Variants in UNC5C observed in about 807,000 individuals in gnomAD.
The protein encoded by UNC5C is netrin receptor UNC5C.
UNC5C carries 47 observed loss-of-function variants against 99.8 expected under a neutral mutation model. The observed-to-expected ratio is 0.47, with a 90% confidence interval of 0.37 to 0.60. The LOEUF is 0.60. UNC5C is among the 20% of genes least tolerant of loss of function. The pLI is 0.00. For synonymous variants in UNC5C, 487 were observed against 452.2 expected (o/e 1.08, Z -0.98); for missense variants, 1,062 against 1,165.9 (o/e 0.91, Z 1.30).
At chr4:95,289,348 C>T (rs777071396) in intron 3 of UNC5C, among the ~76,000 whole-genome samples, 1 of 152,176 alleles carries the variant, frequency 6.6e-6, no homozygotes, top group Non-Finnish European at 1.5e-5. Flanking sequence ...CTGGTCTTGA[C>T]AAAAAGGCCC....
chr4:95,494,618 A>T (rs1721582681), intron 1 of UNC5C, among the ~76,000 whole-genome samples: 1 of 151,660 alleles, frequency 6.6e-6, no homozygotes, highest in African/African-American at 2.4e-5. Flanking sequence ...AGTTCACATA[A>T]GAAAAAGCAA....
chr4:95,369,148 T>G (rs1744667989), intron 1 of UNC5C, among the ~76,000 whole-genome samples: 1 of 151,980 alleles, frequency 6.6e-6, no homozygotes, highest in Non-Finnish European at 1.5e-5. Flanking sequence ...CATGAGCCAC[T>G]GCGACCAGCC....
At chr4:95,358,779 C>A (rs958948504) in intron 1 of UNC5C, among the ~76,000 whole-genome samples, 2 of 152,096 alleles carry the variant, frequency 1.3e-5, no homozygotes, top group Non-Finnish European at 2.9e-5. Flanking sequence ...CACTTTAGCC[C>A]AGCCTGCAAT....
At chr4:95,440,174 G>C (rs1746907671) in intron 1 of UNC5C, among the ~76,000 whole-genome samples, 3 of 152,124 alleles carry the variant, frequency 2.0e-5, no homozygotes, top group South Asian at 4.1e-4. Flanking sequence ...CTATTGTTCT[G>C]CACGGATAGG....
chr4:95,271,393 A>AG (rs1740660038), intron 4 of UNC5C, among the ~76,000 whole-genome samples: 2 of 148,090 alleles, frequency 1.4e-5, no homozygotes, highest in African/African-American at 5.3e-5. Flanking sequence ...ACGCCCGGCT[A>AG]ATTTTTTTGT....
At chr4:95,305,367 T>C (rs1025929786) in intron 2 of UNC5C, among the ~76,000 whole-genome samples, 7 of 152,176 alleles carry the variant, frequency 4.6e-5, no homozygotes, top group South Asian at 2.1e-4. Context: ...GACCAGAGCC[T>C]AGTGGTTTGG....
intron 14 of UNC5C, among the ~76,000 whole-genome samples, chr4:95,174,352 C>A (rs1336583458): frequency 2.0e-5 from 3 of 152,052 alleles, no homozygotes; most frequent in Non-Finnish European, 4.4e-5. Flanking sequence ...AATTTTGGAT[C>A]TTTCCTGCTT....
At chr4:95,209,641 AAC>A (rs1738008264) in intron 10 of UNC5C, among the ~76,000 whole-genome samples, 1 of 152,196 alleles carries the variant, frequency 6.6e-6, no homozygotes, top group African/African-American at 2.4e-5. Flanking sequence ...TATTGGGAGC[AAC>A]TTGAGACCTC....
At chr4:95,356,226 A>AAAAAAAAAAAAAAAAT (rs1371053400) in intron 1 of UNC5C, among the ~76,000 whole-genome samples, 1 of 144,714 alleles carries the variant, frequency 6.9e-6, no homozygotes, top group African/African-American at 2.5e-5. Context: ...AACAAAAAAA[A>AAAAAAAAAAAAAAAAT]AACAGATTCC....
intron 1 of UNC5C, among the ~76,000 whole-genome samples, chr4:95,379,719 A>G (rs557507101): frequency 7.2e-5 from 11 of 152,156 alleles, no homozygotes; most frequent in Non-Finnish European, 2.9e-5. Context: ...TTAGTTTCAC[A>G]TGACTTAGTT....
At position 95,250,573 on chromosome 4, in the gene UNC5C, C is replaced by A; in HGVS notation, c.689G>T (p.Arg230Leu). The A allele has an allele frequency of 1.2e-6, 2 of 1,613,938 alleles. No homozygotes were observed. Among genetic ancestry groups the A allele is most frequent in the Non-Finnish European group, 8.5e-7 (1 of 1,179,958 alleles). The change falls in exon 5 of 16, where the codon CGA becomes CTA. Residue 230 changes from arginine to leucine, a missense_variant. Physicochemically the swap from Arg to Leu is moderately radical, Grantham distance 102. Transcript: ENST00000453304. ...IDHNLIIKQARLSDTANYTCV... is the reference protein window; with the variant it reads ...IDHNLIIKQALLSDTANYTCV... ...GGTGTAATTTGCAGTATCAGAGAGTCGGGCCTGCTTTATGATGAGGTTGTG... is the reference window on the plus strand; with the variant it reads ...GGTGTAATTTGCAGTATCAGAGAGTAGGGCCTGCTTTATGATGAGGTTGTG...
intron 7 of UNC5C, among the ~76,000 whole-genome samples, chr4:95,230,909 T>A: frequency 6.6e-6 from 1 of 152,262 alleles, no homozygotes; most frequent in East Asian, 1.9e-4. Flanking sequence ...ACAAAAGTTC[T>A]GTTTGTAAGG....
intron 7 of UNC5C, among the ~76,000 whole-genome samples, chr4:95,227,468 A>G (rs1431617581): frequency 2.6e-5 from 4 of 152,156 alleles, no homozygotes; most frequent in Non-Finnish European, 2.9e-5. Context: ...TTGTATTTTT[A>G]AAGAAAATTT....
At chr4:95,182,859 C>T in intron 14 of UNC5C, 38 bp downstream of exon 14, 4 of 1,588,068 alleles carry the variant, frequency 2.5e-6, no homozygotes, top group Non-Finnish European at 3.4e-6. Flanking sequence ...CTGAGTGTCG[C>T]ACTCTCCCCT....
At chr4:95,271,985 G>T (rs1015453200) in intron 4 of UNC5C, among the ~76,000 whole-genome samples, 1 of 152,108 alleles carries the variant, frequency 6.6e-6, no homozygotes, top group Admixed American at 6.5e-5. Flanking sequence ...ATCACCTGGA[G>T]CTTTCTTACT....
At chr4:95,408,312 T>C (rs577751736) in intron 1 of UNC5C, among the ~76,000 whole-genome samples, 1 of 152,296 alleles carries the variant, frequency 6.6e-6, no homozygotes, top group Admixed American at 6.5e-5. Context: ...ATACTTCTGA[T>C]TGTCTAGCTA....
In UNC5C at chr4:95,363,890, C is replaced by T. The variant is rs186877519; in HGVS notation, c.125-28259G>A. Among the ~76,000 whole-genome samples the T allele has an allele frequency of 7.5e-4, 114 of 152,248 alleles. 1 individual carries two copies. In the South Asian group the frequency reaches 8.9e-3, roughly 12 times the overall value. On this transcript the variant is annotated intron_variant, in intron 1 of 15. Transcript: ENST00000453304. The stretch of plus-strand genomic sequence containing the variant: ...GGCTTGGGGCAATTGGCCTACCATA[C>T]GTAGATGCTGAATCTCACACTTCTG...
At chr4:95,334,172 A>G (rs1003351595) in intron 2 of UNC5C, among the ~76,000 whole-genome samples, 7 of 151,988 alleles carry the variant, frequency 4.6e-5, no homozygotes, top group African/African-American at 1.4e-4. Flanking sequence ...CAGTCCTCTC[A>G]TAGTCTGTTC....
rs531453524 is a variant in UNC5C, at chr4:95,194,044, C to A, written c.2136+8687G>T. Among the ~76,000 whole-genome samples, 28 of 152,272 alleles carry A rather than the reference C, an allele frequency of 1.8e-4. No individual in the cohort carries two copies. In the South Asian group the frequency reaches 5.4e-3, roughly 29 times the overall value. On this transcript the variant is annotated intron_variant, in intron 12 of 15. Coordinates refer to ENST00000453304, the MANE Select transcript of UNC5C (RefSeq NM_003728.4). ...CAAACATCTCCCCGTCAAGTTGCTT[C>A]GTTTCTAGGGCTCTGCCTGCTGTTC...
Sources: gnomAD v4.1 joint callset for allele counts (sites outside exome capture counted in the v4.1 genomes callset) on GRCh38, gnomAD v4.1.1 for gene constraint, MANE v1.5 for transcripts, NCBI Gene and HGNC (gene_info 2026-07-23, HGNC 2026-07-21) for gene names.